PGGT1B: variants seen among roughly 807,000 people sequenced by gnomAD.
PGGT1B encodes protein geranylgeranyltransferase type I subunit beta.
In PGGT1B, 30 loss-of-function variants were observed where a neutral mutation model predicts 46.1. The ratio of observed to expected loss-of-function variants is 0.65; its 90% CI spans 0.49 to 0.88. The LOEUF (loss-of-function observed/expected upper bound fraction) is 0.88, where lower values mean the gene tolerates loss of function less well. PGGT1B is among the 40% of genes least tolerant of loss of function. PGGT1B has a pLI of 0.00. For missense variants in PGGT1B, 376 were observed against 455.9 expected, an observed-to-expected ratio of 0.82 and a Z score of 1.60; for synonymous variants, 170 against 160.0, an observed-to-expected ratio of 1.06 and a Z score of -0.47.
chr5:115,244,063 T>C (rs1032573301), intron 2 of PGGT1B, among the ~76,000 whole-genome samples: 10 of 151,374 alleles, frequency 6.6e-5, no homozygotes, highest in African/African-American at 2.2e-4. Context: ...GGTCAGTTGA[T>C]TAGTATAACT....
At position 115,210,020 on chromosome 5, in the gene PGGT1B, T is replaced by C. The variant is rs1756176786; in HGVS notation, c.*2382A>G. ...AAATTATATACCACTGTCAGCAAGA[T>C]TTCTATATGAATTTAGATTAAATAT... On this transcript the variant is annotated 3_prime_UTR_variant, in exon 9 of 9. Transcript: ENST00000419445. The C allele has an allele frequency of 6.6e-6, 1 of 152,116 alleles. No individual in the cohort carries two copies. Among genetic ancestry groups the C allele is most frequent in the African/African-American group, 2.4e-5 (1 of 41,442 alleles). 9.4% of individuals were successfully genotyped at this position (152,116 alleles called of 1,614,324 possible). A position where few individuals can be genotyped will look rare whatever the true frequency, so the allele number is the denominator to read the frequency against.
chr5:115,236,111 C>A (rs1561478528), intron 5 of PGGT1B, among the ~76,000 whole-genome samples: 1 of 152,130 alleles, frequency 6.6e-6, no homozygotes, highest in African/African-American at 2.4e-5. Context: ...CAATATTCGA[C>A]TTTCAGATTT....
In PGGT1B at chr5:115,262,813, A is replaced by G. The variant is rs1748623865; in HGVS notation, c.39T>C (p.Gly13=). 4 of 1,612,414 alleles carry G rather than the reference A, an allele frequency of 2.5e-6. No individual in the cohort carries two copies. Among genetic ancestry groups the G allele is most frequent in the Non-Finnish European group, 3.4e-6 (4 of 1,179,864 alleles). ...ATEDERLAGS[G]EGERLDFLRD... ...GTAAGAAATCCAGCCGCTCTCCCTCACCGCTCCCTGCTAGCCTCTCATCCT... is the reference window on the plus strand; with the variant it reads ...GTAAGAAATCCAGCCGCTCTCCCTCGCCGCTCCCTGCTAGCCTCTCATCCT... The change falls in exon 1 of 9, where the codon GGT becomes GGC. Residue 13 remains glycine, a synonymous_variant. Coordinates refer to ENST00000419445, the MANE Select transcript of PGGT1B (RefSeq NM_005023.4).
intron 1 of PGGT1B, among the ~76,000 whole-genome samples, chr5:115,254,952 G>A (rs1267097375): frequency 1.3e-5 from 2 of 152,176 alleles, no homozygotes; most frequent in Non-Finnish European, 2.9e-5. Context: ...GTGGGAAGCA[G>A]TGTTGTACAG....
intron 7 of PGGT1B, among the ~76,000 whole-genome samples, chr5:115,221,334 A>G (rs1315620361): frequency 6.6e-6 from 1 of 152,010 alleles, no homozygotes; most frequent in African/African-American, 2.4e-5. Context: ...ATGGGAAAAA[A>G]TGTGCTGGCA....
chr5:115,212,820 TTTC>T (rs1756277286), intron 8 of PGGT1B, among the ~76,000 whole-genome samples: 3 of 151,754 alleles, frequency 2.0e-5, no homozygotes, highest in Non-Finnish European at 4.4e-5. Context: ...AGGAAAACAG[TTTC>T]CAGCTGAAGA....
At chr5:115,226,571 G>A (rs2127000360) in intron 6 of PGGT1B, among the ~76,000 whole-genome samples, 1 of 151,950 alleles carries the variant, frequency 6.6e-6, no homozygotes, top group South Asian at 2.1e-4. Flanking sequence ...TATTTAAATT[G>A]GGGAATGAGA....
intron 3 of PGGT1B, among the ~76,000 whole-genome samples, chr5:115,241,112 T>C (rs563560337): frequency 6.8e-4 from 104 of 152,340 alleles, no homozygotes; most frequent in Admixed American, 1.2e-3. Context: ...GCTTTTTCTT[T>C]TATTCCTAAG....
chr5:115,230,583 T>C (rs1756946248), intron 6 of PGGT1B, among the ~76,000 whole-genome samples: 1 of 152,054 alleles, frequency 6.6e-6, no homozygotes, highest in Admixed American at 6.6e-5. Context: ...TTAAGGAAAA[T>C]AAAAATGTTC....
chr5:115,237,824 T>C (rs771372503), intron 4 of PGGT1B, 34 bp downstream of exon 4: 15 of 1,583,548 alleles, frequency 9.5e-6, no homozygotes, highest in Non-Finnish European at 1.3e-5. Context: ...TATTTTTGTT[T>C]ATTACAAAAA....
At chr5:115,230,047 A>C (rs1215548131) in intron 6 of PGGT1B, among the ~76,000 whole-genome samples, 3 of 152,134 alleles carry the variant, frequency 2.0e-5, no homozygotes, top group Non-Finnish European at 4.4e-5. Context: ...TATTTGTTAG[A>C]AATATCTTTT....
chr5:115,244,466 C>CAAA (rs1299602640), intron 2 of PGGT1B, among the ~76,000 whole-genome samples: 684 of 30,936 alleles, frequency 0.022, 94 homozygotes, highest in African/African-American at 0.052. Context: ...CTCTGTCTCA[C>CAAA]AAAAAAAAAA....
At chr5:115,257,915 C>T (rs1336280211) in intron 1 of PGGT1B, among the ~76,000 whole-genome samples, 3 of 152,178 alleles carry the variant, frequency 2.0e-5, no homozygotes, top group Non-Finnish European at 2.9e-5. Flanking sequence ...AATACTAGCA[C>T]ATAGATGCTG....
At chr5:115,228,044 T>A (rs1451055094) in intron 6 of PGGT1B, among the ~76,000 whole-genome samples, 1 of 152,176 alleles carries the variant, frequency 6.6e-6, no homozygotes, top group African/African-American at 2.4e-5. Context: ...GCCAAAAAAA[T>A]TTTTTTAAAA....
intron 1 of PGGT1B, among the ~76,000 whole-genome samples, chr5:115,256,643 T>C (rs1445311192): frequency 6.6e-6 from 1 of 152,176 alleles, no homozygotes; most frequent in Non-Finnish European, 1.5e-5. Flanking sequence ...TCCTTTAAAA[T>C]AGTCTGGGAA....
At chr5:115,227,265 TCTA>T (rs1173091146) in intron 6 of PGGT1B, among the ~76,000 whole-genome samples, 1 of 152,206 alleles carries the variant, frequency 6.6e-6, no homozygotes, top group Non-Finnish European at 1.5e-5. Context: ...ATTGTGGTTT[TCTA>T]CTGTGTCAAC....
At chr5:115,232,033 T>C (rs1162733471) in intron 5 of PGGT1B, among the ~76,000 whole-genome samples, 1 of 152,080 alleles carries the variant, frequency 6.6e-6, no homozygotes, top group Non-Finnish European at 1.5e-5. Flanking sequence ...GTTGTGTTCT[T>C]TGTCTCTCAG....
chr5:115,253,969 G>T (rs1220316034), intron 1 of PGGT1B, among the ~76,000 whole-genome samples: 1 of 151,962 alleles, frequency 6.6e-6, no homozygotes, highest in Non-Finnish European at 1.5e-5. Context: ...TTCCTTTCAT[G>T]TTGAGAAGCA....
intron 3 of PGGT1B, among the ~76,000 whole-genome samples, chr5:115,241,045 T>C (rs1021911680): frequency 6.6e-6 from 1 of 152,216 alleles, no homozygotes; most frequent in African/African-American, 2.4e-5. Flanking sequence ...CTGCATATTC[T>C]AATAAAAGTC....
Sources: allele counts gnomAD v4.1 joint callset (sites outside exome capture counted in the v4.1 genomes callset), GRCh38; gene constraint gnomAD v4.1.1; transcripts MANE v1.5; gene names NCBI Gene and HGNC (gene_info 2026-07-23, HGNC 2026-07-21).